Variants in BABAM2 observed in about 807,000 individuals in gnomAD.
BABAM2 encodes the protein BRISC and BRCA1-A complex member 2.
A neutral mutation model predicts 54.7 loss-of-function variants in BABAM2; 31 were observed. That is an observed-to-expected ratio of 0.57 (90% CI 0.43 to 0.77). The LOEUF (loss-of-function observed/expected upper bound fraction) is 0.77. Among genes scored for constraint, BABAM2 ranks in the 30% least tolerant of loss-of-function variants. The probability of loss-of-function intolerance (pLI) is 0.00; values close to 1 mark genes in which losing one functional copy is unlikely to be tolerated. For missense variants in BABAM2, 364 were observed against 455.8 expected (o/e 0.80, Z 1.83); for synonymous variants, 167 against 162.9 (o/e 1.03, Z -0.19).
At chr2:28,315,419 CT>C (rs150398719) in intron 11 of BABAM2, among the ~76,000 whole-genome samples, 1,963 of 121,818 alleles carry the variant, frequency 0.016, 29 homozygotes, top group Middle Eastern at 0.033. Context: ...GTGTGTGGTT[CT>C]TTTTTCTTTT....
chr2:28,327,859 T>A (rs752773145), intron 11 of BABAM2, among the ~76,000 whole-genome samples: 3 of 152,186 alleles, frequency 2.0e-5, no homozygotes, highest in Non-Finnish European at 2.9e-5. Context: ...TTAGACCCCC[T>A]GAAAACAGAC....
intron 10 of BABAM2, among the ~76,000 whole-genome samples, chr2:28,290,738 G>A (rs1327844831): frequency 2.0e-5 from 3 of 152,188 alleles, no homozygotes; most frequent in Non-Finnish European, 4.4e-5. Context: ...AGGCTCTTAG[G>A]TAGGAGGCAT....
chr2:28,325,805 A>G lies in BABAM2; in HGVS notation c.1089-12645A>G, dbSNP rs1572421869. Among the ~76,000 whole-genome samples, 1 of 152,224 alleles carries G rather than the reference A, an allele frequency of 6.6e-6. No homozygotes were observed. The highest frequency in any genetic ancestry group is 2.4e-5 in the African/African-American group (1 of 41,468). On this transcript the variant is annotated intron_variant, in intron 11 of 11. Coordinates refer to ENST00000379624, the MANE Select transcript of BABAM2 (RefSeq NM_199191.3). This position sits in a 1 kb window ranked among gnomAD's most constrained non-coding sequence, Gnocchi z 4.3. The stretch of plus-strand genomic sequence containing the variant: ...CCAAAAGCCAGCATGCAGGGGCCTG[A>G]GCACCTGTGGAAGCCATGAGCTCTG...
chr2:28,183,802 G>A (rs942217336), intron 7 of BABAM2, among the ~76,000 whole-genome samples: 1 of 147,552 alleles, frequency 6.8e-6, no homozygotes, highest in African/African-American at 2.5e-5. Flanking sequence ...TGAGAGCGGA[G>A]GGCAGACACC....
rs78257343 is a variant in BABAM2 at position 28,211,804 on chromosome 2, A to T, written c.681-25398A>T. ...TAAAAGATTCCCATATGTCTTAAAAAAATATAGAAAAATTTTGTATCACAA... is the reference window on the plus strand; with the variant it reads ...TAAAAGATTCCCATATGTCTTAAAATAATATAGAAAAATTTTGTATCACAA... On this transcript the variant is annotated intron_variant, in intron 7 of 11. Coordinates refer to ENST00000379624, the MANE Select transcript of BABAM2 (RefSeq NM_199191.3). Among the ~76,000 whole-genome samples the T allele has an allele frequency of 8.5e-3, 1,297 of 152,312 alleles. 19 individuals carry two copies. The highest frequency in any genetic ancestry group is 0.03 in the African/African-American group (1,235 of 41,572).
At chr2:28,221,255 CCTT>C (rs1380693447) in intron 7 of BABAM2, among the ~76,000 whole-genome samples, 8 of 152,284 alleles carry the variant, frequency 5.3e-5, no homozygotes, top group East Asian at 1.9e-4. Context: ...GGTGCCACAT[CCTT>C]CTTCTTCCCT....
intron 7 of BABAM2, among the ~76,000 whole-genome samples, chr2:28,159,977 TTTTG>T (rs755553541): frequency 2.2e-4 from 34 of 152,162 alleles, no homozygotes; most frequent in African/African-American, 7.7e-4. Context: ...ATGATTGGGT[TTTTG>T]TTTGTTTGTT....
Position 28,304,733 on chromosome 2 carries a change from G to A in BABAM2, c.1088+6242G>A, listed in dbSNP as rs1003429010. 6.6e-6 allele frequency among the ~76,000 whole-genome samples: 1 copy of A among 151,824 alleles called. No homozygotes were observed. The highest frequency in any genetic ancestry group is 2.4e-5 in the African/African-American group (1 of 41,272). On this transcript the variant is annotated intron_variant, in intron 11 of 11. Transcript: ENST00000379624. This position sits in a 1 kb window ranked among gnomAD's most constrained non-coding sequence, Gnocchi z 4.0. ...TGGGACTACAGGCACACGCTGCCAC[G>A]CCAGGCTAATTTTTTGTATTTTTTT...
At chr2:28,160,829 G>C (rs941299097) in intron 7 of BABAM2, among the ~76,000 whole-genome samples, 7 of 151,350 alleles carry the variant, frequency 4.6e-5, no homozygotes, top group African/African-American at 1.7e-4. Flanking sequence ...GTAGGTGTTA[G>C]AGACAATGGA....
At chr2:28,213,629 C>G (rs1480614145) in intron 7 of BABAM2, among the ~76,000 whole-genome samples, 2 of 151,802 alleles carry the variant, frequency 1.3e-5, no homozygotes, top group Admixed American at 1.3e-4. Flanking sequence ...GCTTATATCC[C>G]ATTTCTTTTT....
intron 6 of BABAM2, among the ~76,000 whole-genome samples, chr2:28,049,022 A>G (rs1677809753): frequency 6.6e-6 from 1 of 152,236 alleles, no homozygotes; most frequent in African/African-American, 2.4e-5. Flanking sequence ...TCCATAGAAA[A>G]GTAGCTAAAG....
At chr2:28,075,024 G>C (rs2148663824) in intron 6 of BABAM2, among the ~76,000 whole-genome samples, 1 of 152,282 alleles carries the variant, frequency 6.6e-6, no homozygotes, top group South Asian at 2.1e-4. Context: ...GACATGCTTA[G>C]AGTAGTCACA....
chr2:27,927,530 T>C (rs1667798543), intron 2 of BABAM2, among the ~76,000 whole-genome samples: 1 of 152,228 alleles, frequency 6.6e-6, no homozygotes, highest in Admixed American at 6.5e-5. Flanking sequence ...TAGATTGTAC[T>C]TCATAATGCT....
chr2:27,917,610 C>T (rs1465722613), intron 2 of BABAM2, among the ~76,000 whole-genome samples: 1 of 152,130 alleles, frequency 6.6e-6, no homozygotes, highest in Non-Finnish European at 1.5e-5. Context: ...ATGACCTAGT[C>T]AGCTCTCAAA....
chr2:28,090,454 G>C (rs1666068262), intron 6 of BABAM2, among the ~76,000 whole-genome samples: 1 of 152,092 alleles, frequency 6.6e-6, no homozygotes, highest in Non-Finnish European at 1.5e-5. Context: ...GTGTTGGCCA[G>C]GATAGTCTCC....
intron 6 of BABAM2, among the ~76,000 whole-genome samples, chr2:28,054,487 AAATCCT>A (rs1678242297): frequency 6.6e-6 from 1 of 152,206 alleles, no homozygotes; most frequent in Admixed American, 6.5e-5. Flanking sequence ...TTATATGTTG[AAATCCT>A]AATCCCCAAG....
chr2:27,911,252 G>T (rs1486343106), intron 2 of BABAM2, among the ~76,000 whole-genome samples: 5 of 152,230 alleles, frequency 3.3e-5, no homozygotes, highest in African/African-American at 1.2e-4. Context: ...GTGCCATTTT[G>T]AATAGTGCCA....
chr2:28,265,021 T>C (rs1684856846), intron 10 of BABAM2, among the ~76,000 whole-genome samples: 1 of 152,190 alleles, frequency 6.6e-6, no homozygotes, highest in African/African-American at 2.4e-5. Flanking sequence ...CAATCCACAT[T>C]TGACCCAAGG....
chr2:27,937,623 G>A (rs4629119), intron 3 of BABAM2, among the ~76,000 whole-genome samples: 151,170 of 152,370 alleles, frequency 0.99, 75,002 homozygotes, highest in East Asian at 1. Context: ...CTTTTGAAAA[G>A]TGTCTCTTTA....
Sources: gnomAD v4.1 joint callset for allele counts (sites outside exome capture counted in the v4.1 genomes callset) on GRCh38, gnomAD v4.1.1 for gene constraint, Gnocchi (gnomAD v3.1) non-coding constraint, MANE v1.5 for transcripts, NCBI Gene and HGNC (gene_info 2026-07-23, HGNC 2026-07-21) for gene names.